Variants in MYH6 observed in about 807,000 individuals in gnomAD.
MYH6 encodes the protein myosin-6.
Under a neutral mutation model 223.2 loss-of-function variants are expected in MYH6, and 126 were observed. The observed-to-expected ratio is 0.56, with a 90% confidence interval of 0.49 to 0.65. MYH6 has a LOEUF of 0.65. Among genes scored for constraint, MYH6 ranks in the 30% least tolerant of loss-of-function variants. The probability of loss-of-function intolerance (pLI) is 0.00; values close to 1 mark genes in which losing one functional copy is unlikely to be tolerated. For missense variants in MYH6, 2,040 were observed against 2,536.4 expected (o/e 0.80, Z 4.20); for synonymous variants, 978 against 1,010.2 (o/e 0.97, Z 0.61).
At chr14:23,402,991 G>A (rs1343097143) in intron 10 of MYH6, among the ~76,000 whole-genome samples, 191 bp from the exon 11 acceptor site, 1 of 152,018 alleles carries the variant, frequency 6.6e-6, no homozygotes, top group African/African-American at 2.4e-5. Flanking sequence ...GGAAGTGAAA[G>A]GGTAGAAGAG....
At chr14:23,391,294 C>G (rs898439579) in intron 25 of MYH6, among the ~76,000 whole-genome samples, 1 of 152,198 alleles carries the variant, frequency 6.6e-6, no homozygotes. Context: ...TGCCTCTGCT[C>G]CCAGGATGGA....
Position 23,389,005 on chromosome 14 carries a change from G to A in MYH6, c.4029C>T (p.Asp1343=), listed in dbSNP as rs775523639. ...HALQSARHDC[D]LLREQYEEET... Reference sequence around the variant, plus strand: ...CCTCCTCGTACTGCTCCCGCAGCAGGTCGCAGTCATGCCGGGCCGACTGCA... The same window carrying A: ...CCTCCTCGTACTGCTCCCGCAGCAGATCGCAGTCATGCCGGGCCGACTGCA... The change falls in exon 29 of 39, where the codon GAC becomes GAT. Residue 1343 remains aspartate, a synonymous_variant. Transcript: ENST00000405093. 1.1e-5 allele frequency: 17 copies of A among 1,613,400 alleles called. No homozygotes were observed. The highest frequency in any genetic ancestry group is 1.4e-5 in the Non-Finnish European group (17 of 1,179,856).
Position 23,402,589 on chromosome 14 carries a change from A to G in MYH6, c.1016T>C (p.Val339Ala), listed in dbSNP as rs1381825784. The G allele has an allele frequency of 6.2e-7, 1 of 1,613,774 alleles. No individual in the cohort carries two copies. ...TTTCTCCTCTGAAGTGAAGCCCAGC[A>G]CGTCAAAGGCACTCTGGGACAGAGC... is the stretch of plus-strand genomic sequence containing the variant. ...ELMATDSAFD[V>A]LGFTSEEKAG... Residue 339 changes from valine (V) to alanine (A), a missense_variant, in exon 12 of 39, where the codon GTG becomes GCG. By Grantham distance (64) the Val-to-Ala change is moderately conservative (BLOSUM62 0). Coordinates refer to ENST00000405093, the MANE Select transcript of MYH6 (RefSeq NM_002471.4).
rs143886186 is a variant in MYH6, at chr14:23,383,129, C to A, written c.5661+96G>T. ...AATGTTTGAGAGTTAAAGTTTATAGCAAACTCTTTGTCCAGGCCCCTCTGT... is the reference window on the plus strand; with the variant it reads ...AATGTTTGAGAGTTAAAGTTTATAGAAAACTCTTTGTCCAGGCCCCTCTGT... On this transcript the variant is annotated intron_variant, in intron 37 of 38. Coordinates refer to ENST00000405093, the MANE Select transcript of MYH6 (RefSeq NM_002471.4). 4.4e-6 allele frequency: 5 copies of A among 1,124,646 alleles called. No homozygotes were observed. In the African/African-American group the frequency reaches 7.6e-5, roughly 17 times the overall value. 69.7% of individuals were successfully genotyped at this position (1,124,646 alleles called of 1,614,324 possible). A position where few individuals can be genotyped will look rare whatever the true frequency, so the allele number is the denominator to read the frequency against.
chr14:23,397,432 GC>G, intron 16 of MYH6, 110 bp downstream of exon 16: 1 of 1,384,866 alleles, frequency 7.2e-7, no homozygotes, highest in Non-Finnish European at 1.0e-6. Flanking sequence ...CGACTACGTA[GC>G]CCTAGCTTCT....
rs147903010 is a variant in MYH6, at chr14:23,400,964, C to T, written c.1155G>A (p.Ser385=). The part of the protein sequence containing the change: ...EPDGTEDADK[S]AYLMGLNSAD... Reference sequence around the variant, plus strand: ...CTGAGTTCAGCCCCATGAGGTAGGCCGACTTGTCAGCATCTGGTTGAGAGG... The same window carrying T: ...CTGAGTTCAGCCCCATGAGGTAGGCTGACTTGTCAGCATCTGGTTGAGAGG... Residue 385 remains serine, a synonymous_variant, in exon 13 of 39, where the codon TCG becomes TCA. Coordinates refer to ENST00000405093, the MANE Select transcript of MYH6 (RefSeq NM_002471.4). 45 of 1,614,000 alleles carry T rather than the reference C, an allele frequency of 2.8e-5. No individual in the cohort carries two copies. The highest frequency in any genetic ancestry group is 3.3e-4 in the Middle Eastern group (2 of 6,084).
At position 23,401,451 on chromosome 14, in the gene MYH6, G is replaced by A. The variant is rs902493307; in HGVS notation, c.1142-474C>T. On this transcript the variant is annotated intron_variant, in intron 12 of 38. Coordinates refer to ENST00000405093, the MANE Select transcript of MYH6 (RefSeq NM_002471.4). ...GGCTTGCCTTGGTTACTCAACCAAC[G>A]TGTGCCTGAGTCAGGCTGGAGCACA... Among the ~76,000 whole-genome samples the A allele has an allele frequency of 2.0e-5, 3 of 152,250 alleles. No homozygotes were observed. The South Asian group carries it at 6.2e-4, about 31-fold the overall frequency.
Position 23,389,072 on chromosome 14 carries a change from G to GCGC in MYH6, c.3979-18_3979-17insGCG. ...GTTCTTCGCCTGGGGAGGGGGGGGG[G>GCGC]CACCAGGAGGTGGGAGGGACTCCCT... On this transcript the variant is annotated splice_polypyrimidine_tract_variant and intron_variant, in intron 28 of 38. Transcript: ENST00000405093. 8.8e-6 allele frequency: 10 copies of GCGC among 1,135,166 alleles called. No individual in the cohort carries two copies. Among genetic ancestry groups the GCGC allele is most frequent in the Non-Finnish European group, 1.3e-5 (10 of 774,146 alleles). The allele number at this position is 1,135,166 out of a possible 1,614,324, so 70.3% of individuals were successfully genotyped here.
At chr14:23,403,149 A>G (rs940113751) in intron 10 of MYH6, among the ~76,000 whole-genome samples, 199 bp downstream of exon 10, 1 of 151,992 alleles carries the variant, frequency 6.6e-6, no homozygotes, top group Non-Finnish European at 1.5e-5. Flanking sequence ...GAGGTGTGTG[A>G]CTGCACAGGG....
chr14:23,407,538 G>A lies in MYH6; in HGVS notation c.-14+38C>T. The A allele has an allele frequency of 7.8e-7, 1 of 1,281,968 alleles. No homozygotes were observed. The highest frequency in any genetic ancestry group is 1.0e-6 in the Non-Finnish European group (1 of 1,002,734). The allele number at this position is 1,281,968 out of a possible 1,614,324, so 79.4% of individuals were successfully genotyped here. ...GCAATCCGGCTCCCAGGAGAAGCAT[G>A]CCCCAGTCTCTGCAGAGAAAATGGG... On this transcript the variant is annotated intron_variant, in intron 2 of 38. Transcript: ENST00000405093. This position sits in a 1 kb window ranked among gnomAD's most constrained non-coding sequence, Gnocchi z 5.6.
chr14:23,399,493 G>A (rs999716135), intron 14 of MYH6, among the ~76,000 whole-genome samples: 1 of 152,130 alleles, frequency 6.6e-6, no homozygotes, highest in Non-Finnish European at 1.5e-5. Flanking sequence ...TTTTTCTTGG[G>A]GCAGGAATCC....
At position 23,384,313 on chromosome 14, in the gene MYH6, G is replaced by C. The variant is rs1318872272; in HGVS notation, c.5565+129C>G. On this transcript the variant is annotated intron_variant, in intron 36 of 38. Transcript: ENST00000405093. ...AGACTCAAGTCAAACTGACTGCAGAGCGTGAGAAGAACGTTAAATCTACCA... is the reference window on the plus strand; with the variant it reads ...AGACTCAAGTCAAACTGACTGCAGACCGTGAGAAGAACGTTAAATCTACCA... 9.1e-6 allele frequency: 13 copies of C among 1,423,254 alleles called. No individual in the cohort carries two copies. The East Asian group carries it at 2.5e-4, about 27-fold the overall frequency. The allele number at this position is 1,423,254 out of a possible 1,614,324, so 88.2% of individuals were successfully genotyped here.
Position 23,400,706 on chromosome 14 carries a change from C to T in MYH6, c.1410+3G>A. The T allele has an allele frequency of 1.9e-6, 3 of 1,614,254 alleles. No homozygotes were observed. Among genetic ancestry groups the T allele is most frequent in the South Asian group, 2.2e-5 (2 of 91,088 alleles). On this transcript the variant is annotated splice_donor_region_variant and intron_variant, in intron 13 of 38. Transcript: ENST00000405093. Reference sequence around the variant, plus strand: ...TCTCCCACTCCCAGGGGTCCCAACTCACGTCGAAGATCTCGAAGCCAGCGA... The same window carrying T: ...TCTCCCACTCCCAGGGGTCCCAACTTACGTCGAAGATCTCGAAGCCAGCGA...
chr14:23,397,989 TTCTTCTTCTTC>T (rs1891476846), intron 15 of MYH6, among the ~76,000 whole-genome samples: 1 of 143,776 alleles, frequency 7.0e-6, no homozygotes, highest in African/African-American at 2.7e-5. Context: ...CTTCTTCTTC[TTCTTCTTCTTC>T]TTCTTCTTCT....
At position 23,396,660 on chromosome 14, in the gene MYH6, G is replaced by A. The variant is rs1278494618; in HGVS notation, c.2292+34C>T. 2.5e-6 allele frequency: 4 copies of A among 1,613,878 alleles called. No homozygotes were observed. In the African/African-American group the frequency reaches 5.3e-5, roughly 22 times the overall value. On this transcript the variant is annotated intron_variant, in intron 19 of 38. Transcript: ENST00000405093. ...TCTGCTCCACTCAACATGGCCACCT[G>A]CCCTGCAACCACCCAGTGGGGCTCT...
chr14:23,391,616 C>A (rs1021030506), intron 25 of MYH6, among the ~76,000 whole-genome samples: 7 of 152,228 alleles, frequency 4.6e-5, no homozygotes, highest in African/African-American at 1.7e-4. Flanking sequence ...GAGACTACCT[C>A]TTTCTACCAG....
chr14:23,401,034 G>T (rs929548179), intron 12 of MYH6, 57 bp from the exon 13 acceptor site: 10 of 1,578,048 alleles, frequency 6.3e-6, no homozygotes, highest in Non-Finnish European at 6.9e-6. Flanking sequence ...TAAGATAGAG[G>T]CTTGCTCTGT....
At chr14:23,394,782 A>T (rs1466648504) in intron 20 of MYH6, among the ~76,000 whole-genome samples, 1 of 152,218 alleles carries the variant, frequency 6.6e-6, no homozygotes, top group Non-Finnish European at 1.5e-5. Context: ...CGCCAGGAGC[A>T]GCCGCCACTC....
Position 23,383,275 on chromosome 14 carries a change from C to A in MYH6, c.5611G>T (p.Asp1871Tyr). 1 of 1,572,684 alleles carries A rather than the reference C, an allele frequency of 6.4e-7. No homozygotes were observed. Among genetic ancestry groups the A allele is most frequent in the African/African-American group, 1.4e-5 (1 of 73,406 alleles). ...GCCTTGACCTTCAGTTGCAGCTTGT[C>A]CACCAGGTCCTGTAGCCGCAGCAGG... ...KNLLRLQDLV[D>Y]KLQLKVKAYK... The change falls in exon 37 of 39, where the codon GAC (aspartate) becomes TAC (tyrosine). Residue 1871 changes from aspartate to tyrosine, a missense_variant. Asp to Tyr is a radical substitution (Grantham distance 160). Around this residue, in one of 4 missense-constraint regions of MYH6, gnomAD observed 1,203 missense variants for 1,400.2 expected, o/e 0.86. Coordinates refer to ENST00000405093, the MANE Select transcript of MYH6 (RefSeq NM_002471.4).
Sources: gnomAD v4.1 joint callset for allele counts (sites outside exome capture counted in the v4.1 genomes callset) on GRCh38, gnomAD v4.1.1 for gene constraint, gnomAD v4.1.1 regional missense constraint, Gnocchi (gnomAD v3.1) non-coding constraint, MANE v1.5 for transcripts, NCBI Gene and HGNC (gene_info 2026-07-23, HGNC 2026-07-21) for gene names.